Variants in CNTLN observed in about 807,000 individuals in gnomAD.
The protein encoded by CNTLN is centlein, centrosomal protein.
CNTLN carries 212 observed loss-of-function variants against 180.0 expected under a neutral mutation model. The ratio of observed to expected loss-of-function variants is 1.18; its 90% CI spans 1.05 to 1.32. The LOEUF (loss-of-function observed/expected upper bound fraction) is 1.32. CNTLN is among the 40% of genes most tolerant of loss of function. The probability of loss-of-function intolerance (pLI) is 0.00; values close to 1 mark genes in which losing one functional copy is unlikely to be tolerated. For missense variants in CNTLN, 2,095 were observed against 1,610.9 expected (o/e 1.30, Z -5.14); for synonymous variants, 722 against 563.1 (o/e 1.28, Z -3.99).
At chr9:17,459,987 C>T (rs187015316) in intron 19 of CNTLN, among the ~76,000 whole-genome samples, 2 of 151,716 alleles carry the variant, frequency 1.3e-5, no homozygotes, top group Admixed American at 1.3e-4. Flanking sequence ...TAGTGATTTT[C>T]TAATAAGTAG....
intron 14 of CNTLN, among the ~76,000 whole-genome samples, chr9:17,389,709 A>C (rs1472620256): frequency 7.0e-6 from 1 of 141,960 alleles, no homozygotes; most frequent in Admixed American, 7.4e-5. Context: ...TAAGATGAAA[A>C]CAATATTTGT....
At chr9:17,445,962 C>T (rs1035940236) in intron 18 of CNTLN, among the ~76,000 whole-genome samples, 14 of 152,206 alleles carry the variant, frequency 9.2e-5, no homozygotes, top group East Asian at 1.9e-4. Context: ...GTGGGACCTG[C>T]GGGCAGCAAT....
rs1828195100 is a variant in CNTLN at position 17,415,899 on chromosome 9, A to G, written c.2890+18A>G. Reference sequence around the variant, plus strand: ...TACTAGAGGTAAGAATGTATATGCAATTAACAATATGTCTTTTACAATTTA... The same window carrying G: ...TACTAGAGGTAAGAATGTATATGCAGTTAACAATATGTCTTTTACAATTTA... On this transcript the variant is annotated intron_variant, in intron 17 of 25. Coordinates refer to ENST00000380647, the MANE Select transcript of CNTLN (RefSeq NM_017738.4). The G allele has an allele frequency of 6.3e-7, 1 of 1,590,298 alleles. No individual in the cohort carries two copies. The highest frequency in any genetic ancestry group is 8.6e-7 in the Non-Finnish European group (1 of 1,163,104).
chr9:17,494,644 T>G (rs976079230), intron 25 of CNTLN, among the ~76,000 whole-genome samples: 7 of 152,116 alleles, frequency 4.6e-5, no homozygotes, highest in African/African-American at 1.7e-4. Flanking sequence ...TGTTCCTGCA[T>G]TAGTTTGCTA....
chr9:17,467,930 CACAT>C (rs777359676), intron 23 of CNTLN, among the ~76,000 whole-genome samples: 3 of 151,608 alleles, frequency 2.0e-5, no homozygotes, highest in Non-Finnish European at 4.4e-5. Context: ...ACCATAAAGA[CACAT>C]GCATGCGTAT....
intron 5 of CNTLN, among the ~76,000 whole-genome samples, chr9:17,251,316 G>A (rs1392555490): frequency 2.6e-5 from 4 of 151,782 alleles, no homozygotes; most frequent in Non-Finnish European, 4.4e-5. Context: ...GAAGTTTTGG[G>A]CCATCATTTA....
At chr9:17,362,693 T>G (rs138892937) in intron 12 of CNTLN, among the ~76,000 whole-genome samples, 10 of 152,262 alleles carry the variant, frequency 6.6e-5, no homozygotes, top group Admixed American at 1.3e-4. Flanking sequence ...GTGTGATGAC[T>G]ATCTTTATTT....
chr9:17,487,071 T>C lies in CNTLN; in HGVS notation c.4119+5T>C, dbSNP rs375837719. The stretch of plus-strand genomic sequence containing the variant: ...CAGAAACTTCTTGAAGGACAGGTAT[T>C]TCATTTTTCTGTTTCATATATTAAG... On this transcript the variant is annotated splice_donor_5th_base_variant and intron_variant, in intron 25 of 25. Coordinates refer to ENST00000380647, the MANE Select transcript of CNTLN (RefSeq NM_017738.4). 1 of 1,574,448 alleles carries C rather than the reference T, an allele frequency of 6.4e-7. No individual in the cohort carries two copies. The highest frequency in any genetic ancestry group is 8.7e-7 in the Non-Finnish European group (1 of 1,145,854).
At chr9:17,187,505 A>G (rs1821505627) in intron 2 of CNTLN, among the ~76,000 whole-genome samples, 1 of 152,032 alleles carries the variant, frequency 6.6e-6, no homozygotes, top group African/African-American at 2.4e-5. Flanking sequence ...ATCTAGGGAT[A>G]AATCACTTCT....
At chr9:17,494,587 T>A (rs1335739243) in intron 25 of CNTLN, among the ~76,000 whole-genome samples, 1 of 152,136 alleles carries the variant, frequency 6.6e-6, no homozygotes, top group African/African-American at 2.4e-5. Flanking sequence ...TATGTTCTCA[T>A]CATTTAGCTC....
intron 2 of CNTLN, among the ~76,000 whole-genome samples, chr9:17,157,543 C>T (rs75637523): frequency 0.075 from 11,332 of 152,058 alleles, 726 homozygotes; most frequent in African/African-American, 0.17. Context: ...TTTGGATTAA[C>T]GTTAGTTTTG....
chr9:17,369,709 G>A (rs181904185), intron 13 of CNTLN, among the ~76,000 whole-genome samples: 40 of 151,834 alleles, frequency 2.6e-4, no homozygotes, highest in African/African-American at 8.5e-4. Flanking sequence ...TAGTCAGGGC[G>A]GGTGTGGTGG....
chr9:17,195,026 A>T (rs149040749), intron 2 of CNTLN, among the ~76,000 whole-genome samples: 1 of 152,140 alleles, frequency 6.6e-6, no homozygotes, highest in Non-Finnish European at 1.5e-5. Flanking sequence ...ATGGTCTCCC[A>T]CCGTGTCCCT....
chr9:17,399,459 C>G (rs1453401878), intron 15 of CNTLN, among the ~76,000 whole-genome samples: 1 of 152,198 alleles, frequency 6.6e-6, no homozygotes, highest in East Asian at 1.9e-4. Context: ...TCTCTCCCTA[C>G]TAGTGCATTT....
intron 23 of CNTLN, among the ~76,000 whole-genome samples, chr9:17,469,440 C>T (rs1831934944): frequency 6.6e-6 from 1 of 151,710 alleles, no homozygotes. Flanking sequence ...ATGGCAGAGA[C>T]TGGATATTTG....
intron 18 of CNTLN, among the ~76,000 whole-genome samples, chr9:17,433,255 T>C (rs1016662305): frequency 6.6e-6 from 1 of 151,826 alleles, no homozygotes; most frequent in Non-Finnish European, 1.5e-5. Flanking sequence ...AGATAACATA[T>C]CAAGTTAAGA....
rs1364483958 is a variant in CNTLN at position 17,443,386 on chromosome 9, T to C, written c.3115-14138T>C. Among the ~76,000 whole-genome samples, 4 of 151,966 alleles carry C rather than the reference T, an allele frequency of 2.6e-5. No individual in the cohort carries two copies. In the South Asian group the frequency reaches 6.2e-4, roughly 24 times the overall value. ...CAGAATATGCAATTTAAAAGAAAAATATTGTTTAAATAATAGCAGGTATTG... is the reference window on the plus strand; with the variant it reads ...CAGAATATGCAATTTAAAAGAAAAACATTGTTTAAATAATAGCAGGTATTG... On this transcript the variant is annotated intron_variant, in intron 18 of 25. Coordinates refer to ENST00000380647, the MANE Select transcript of CNTLN (RefSeq NM_017738.4).
At chr9:17,468,170 A>G (rs1416065977) in intron 23 of CNTLN, among the ~76,000 whole-genome samples, 3 of 151,714 alleles carry the variant, frequency 2.0e-5, no homozygotes, top group Non-Finnish European at 4.4e-5. Flanking sequence ...GTTCTCACTT[A>G]TAAGTGGAAC....
chr9:17,486,095 G>C (rs766697268), intron 24 of CNTLN, among the ~76,000 whole-genome samples: 1 of 152,076 alleles, frequency 6.6e-6, no homozygotes, highest in Non-Finnish European at 1.5e-5. Context: ...GGTACATTTT[G>C]ATATATTTAC....
Sources: gnomAD v4.1 joint callset for allele counts (sites outside exome capture counted in the v4.1 genomes callset) on GRCh38, gnomAD v4.1.1 for gene constraint, MANE v1.5 for transcripts, NCBI Gene and HGNC (gene_info 2026-07-23, HGNC 2026-07-21) for gene names.